The following FOXJ3 variants were observed in gnomAD, a reference collection of about 807,000 sequenced individuals.
FOXJ3 encodes forkhead box protein J3.
A neutral mutation model predicts 76.1 loss-of-function variants in FOXJ3; 22 were observed. That is an observed-to-expected ratio of 0.29 (90% confidence interval 0.21 to 0.41). The LOEUF (loss-of-function observed/expected upper bound fraction) is 0.41, where lower values mean the gene tolerates loss of function less well. Ranked by LOEUF, FOXJ3 falls within the 10% of genes least tolerant of loss-of-function variation. The probability of loss-of-function intolerance (pLI) is 1.00; values close to 1 mark genes in which losing one functional copy is unlikely to be tolerated. For synonymous variants in FOXJ3, 269 were observed against 261.2 expected (o/e 1.03, Z -0.29); for missense variants, 613 against 762.1 (o/e 0.80, Z 2.30).
chr1:42,320,201 G>A (rs570160643), intron 1 of FOXJ3, among the ~76,000 whole-genome samples: 70 of 152,224 alleles, frequency 4.6e-4, no homozygotes, highest in African/African-American at 1.7e-3. Context: ...CAATAAAAGA[G>A]GTGGTGAGCG....
At chr1:42,284,109 G>A (rs1474680804) in intron 2 of FOXJ3, among the ~76,000 whole-genome samples, 5 of 152,048 alleles carry the variant, frequency 3.3e-5, no homozygotes, top group East Asian at 1.9e-4. Flanking sequence ...GAATTTTAAC[G>A]TATGTAACGA....
Position 42,311,066 on chromosome 1 carries a change from A to G in FOXJ3, c.28T>C (p.Ser10Pro), listed in dbSNP as rs754084385. 9 of 1,593,720 alleles carry G rather than the reference A, an allele frequency of 5.6e-6. No individual in the cohort carries two copies. The East Asian group carries it at 1.3e-4, about 24-fold the overall frequency. MGLYGQACP[S>P]VTSLRMTSEL... is the part of the protein sequence containing the mutation. ...AGCACTCACCTTAATGAAGTTACAG[A>G]TGGACAAGCCTGTCCATACAAACCC... Residue 10 changes from serine to proline, a missense_variant, in exon 2 of 13, where the codon TCT becomes CCT. By Grantham distance (74) the Ser-to-Pro change is moderately conservative. Around this residue, in one of 3 missense-constraint regions of FOXJ3, gnomAD observed 77 missense variants for 115.1 expected, o/e 0.67. Coordinates refer to ENST00000361346, the MANE Select transcript of FOXJ3 (RefSeq NM_014947.5).
chr1:42,321,184 A>ATTTCCC, intron 1 of FOXJ3, among the ~76,000 whole-genome samples: 1 of 152,268 alleles, frequency 6.6e-6, no homozygotes, highest in East Asian at 1.9e-4. Flanking sequence ...AAACTTGGGA[A>ATTTCCC]ATCTATTAAT....
At position 42,227,941 on chromosome 1, in the gene FOXJ3, T is replaced by G; in HGVS notation, c.470A>C (p.Asn157Thr). 1 of 1,571,600 alleles carries G rather than the reference T, an allele frequency of 6.4e-7. No homozygotes were observed. The highest frequency in any genetic ancestry group is 8.7e-7 in the Non-Finnish European group (1 of 1,149,912). The change falls in exon 5 of 13, where the codon AAT (asparagine) becomes ACT (threonine). Residue 157 changes from asparagine (N) to threonine (T), a missense_variant. Physicochemically the swap from Asn to Thr is moderately conservative, Grantham distance 65. This residue lies in a region of FOXJ3 where 526 missense variants were observed against 601.4 expected (regional missense o/e 0.87). Coordinates refer to ENST00000361346, the MANE Select transcript of FOXJ3 (RefSeq NM_014947.5). ...AGTAGGCAGCACATCTTCCTTCGGA[T>G]TGGTGTCTATTGCCCAGTAGGACCC... ...GKGSYWAIDTNPKEDVLPTRP... is the reference protein window; with the variant it reads ...GKGSYWAIDTTPKEDVLPTRP...
chr1:42,285,534 C>T (rs1652998068), intron 2 of FOXJ3, among the ~76,000 whole-genome samples: 1 of 152,080 alleles, frequency 6.6e-6, no homozygotes, highest in South Asian at 2.1e-4. Flanking sequence ...GTCTAAACTG[C>T]AAAAGTCTCT....
intron 4 of FOXJ3, among the ~76,000 whole-genome samples, chr1:42,233,950 T>C (rs1337469717): frequency 1.3e-5 from 2 of 152,092 alleles, no homozygotes; most frequent in Non-Finnish European, 2.9e-5. Context: ...ACAGCTCTTA[T>C]TATTTTGAGA....
intron 1 of FOXJ3, among the ~76,000 whole-genome samples, chr1:42,320,312 C>T (rs1271356047): frequency 6.6e-6 from 1 of 152,138 alleles, no homozygotes; most frequent in Admixed American, 6.6e-5. Context: ...TCACAGGCCA[C>T]CCTCTTCAAA....
intron 4 of FOXJ3, among the ~76,000 whole-genome samples, chr1:42,249,331 T>C (rs1649827827): frequency 1.3e-5 from 2 of 152,236 alleles, no homozygotes; most frequent in African/African-American, 4.8e-5. Flanking sequence ...GGCTCTCCTC[T>C]GGACCATGTT....
At chr1:42,318,230 T>C (rs1247191095) in intron 1 of FOXJ3, among the ~76,000 whole-genome samples, 2 of 152,212 alleles carry the variant, frequency 1.3e-5, no homozygotes, top group African/African-American at 2.4e-5. Context: ...AAAAGACTAA[T>C]AATCCAATTT....
intron 6 of FOXJ3, among the ~76,000 whole-genome samples, chr1:42,201,828 C>T (rs1006838338): frequency 6.6e-6 from 1 of 151,980 alleles, no homozygotes; most frequent in Admixed American, 6.6e-5. Context: ...ATAAGAATTC[C>T]TTGAAGCTTG....
chr1:42,288,023 G>A (rs1293859692), intron 2 of FOXJ3, among the ~76,000 whole-genome samples: 2 of 151,990 alleles, frequency 1.3e-5, no homozygotes, highest in African/African-American at 2.4e-5. Context: ...GATCATATAT[G>A]GTCAAAGATA....
intron 3 of FOXJ3, among the ~76,000 whole-genome samples, chr1:42,272,610 T>A (rs1477553384): frequency 6.6e-6 from 1 of 152,202 alleles, no homozygotes; most frequent in Non-Finnish European, 1.5e-5. Context: ...TCTCTACCCA[T>A]TAGTTCTCTA....
At chr1:42,275,055 T>C (rs1240524435) in intron 3 of FOXJ3, among the ~76,000 whole-genome samples, 1 of 152,252 alleles carries the variant, frequency 6.6e-6, no homozygotes, top group African/African-American at 2.4e-5. Flanking sequence ...CCAAGATTCA[T>C]GCTTTCATTC....
intron 2 of FOXJ3, among the ~76,000 whole-genome samples, chr1:42,289,927 C>A (rs910932065): frequency 4.6e-5 from 7 of 151,584 alleles, no homozygotes; most frequent in African/African-American, 1.5e-4. Context: ...TAAAAAAGGA[C>A]AAAAAGATAA....
intron 2 of FOXJ3, among the ~76,000 whole-genome samples, chr1:42,289,742 T>C (rs562620601): frequency 5.9e-5 from 9 of 152,150 alleles, no homozygotes; most frequent in Non-Finnish European, 1.2e-4. Flanking sequence ...TCTGAAATAA[T>C]AAATATTACA....
intron 7 of FOXJ3, among the ~76,000 whole-genome samples, chr1:42,197,409 T>TA (rs1270810876): frequency 6.6e-6 from 1 of 152,146 alleles, no homozygotes; most frequent in Non-Finnish European, 1.5e-5. Context: ...CTCATTCTGT[T>TA]AGAGTATTTT....
intron 4 of FOXJ3, among the ~76,000 whole-genome samples, chr1:42,258,623 A>T (rs1459303364): frequency 2.0e-5 from 3 of 152,208 alleles, no homozygotes; most frequent in Non-Finnish European, 4.4e-5. Flanking sequence ...AAATACATTG[A>T]TCATCAAATT....
intron 2 of FOXJ3, among the ~76,000 whole-genome samples, chr1:42,296,424 G>T (rs1287424268): frequency 6.6e-6 from 1 of 152,166 alleles, no homozygotes; most frequent in African/African-American, 2.4e-5. Flanking sequence ...GACTTTTATA[G>T]TTTAAGGTCT....
intron 2 of FOXJ3, among the ~76,000 whole-genome samples, chr1:42,283,832 T>C (rs755738847): frequency 7.2e-5 from 11 of 152,220 alleles, no homozygotes; most frequent in Non-Finnish European, 1.3e-4. Flanking sequence ...GAGACTCCTA[T>C]TGCCACTTAA....
Sources: gnomAD v4.1 joint callset for allele counts (sites outside exome capture counted in the v4.1 genomes callset) on GRCh38, gnomAD v4.1.1 for gene constraint, gnomAD v4.1.1 regional missense constraint, MANE v1.5 for transcripts, NCBI Gene and HGNC (gene_info 2026-07-23, HGNC 2026-07-21) for gene names.